Variants in LRP2 observed in about 807,000 individuals in gnomAD.
The protein encoded by LRP2 is LDL receptor related protein 2, also known as low-density lipoprotein receptor-related protein 2.
LRP2 carries 172 observed loss-of-function variants against 531.0 expected under a neutral mutation model. The ratio of observed to expected loss-of-function variants is 0.32; its 90% CI spans 0.29 to 0.37. The LOEUF is 0.37. LRP2 is among the 10% of genes least tolerant of loss of function. LRP2 has a pLI of 1.00. For missense variants in LRP2, 5,167 were observed against 5,868.3 expected, an observed-to-expected ratio of 0.88 and a Z score of 3.90; for synonymous variants, 1,992 against 2,027.6, an observed-to-expected ratio of 0.98 and a Z score of 0.47.
chr2:169,326,835 C>A (rs1395944821), intron 1 of LRP2, among the ~76,000 whole-genome samples: 173 of 150,748 alleles, frequency 1.1e-3, no homozygotes, highest in South Asian at 4.5e-3. Flanking sequence ...GGCCGCCCAT[C>A]GTCTGAGATG....
At chr2:169,323,626 A>T (rs1392543230) in intron 1 of LRP2, among the ~76,000 whole-genome samples, 2 of 147,732 alleles carry the variant, frequency 1.4e-5, no homozygotes, top group Non-Finnish European at 3.0e-5. Context: ...TTATTTGAAG[A>T]TTTAAAAAAA....
chr2:169,260,205 G>C (rs771672358), intron 16 of LRP2, among the ~76,000 whole-genome samples: 1 of 152,124 alleles, frequency 6.6e-6, no homozygotes, highest in African/African-American at 2.4e-5. Flanking sequence ...TGGTGAAAGA[G>C]GAGGAGGCAA....
chr2:169,328,201 G>A (rs866819397), intron 1 of LRP2, among the ~76,000 whole-genome samples: 7 of 75,730 alleles, frequency 9.2e-5, no homozygotes, highest in African/African-American at 2.0e-4. Flanking sequence ...GGGGGTCAGC[G>A]CCCCGCCCGG....
At chr2:169,263,117 T>C (rs1690639493) in intron 16 of LRP2, among the ~76,000 whole-genome samples, 1 of 152,114 alleles carries the variant, frequency 6.6e-6, no homozygotes, top group Admixed American at 6.6e-5. Flanking sequence ...AAGACTTAAA[T>C]ATTAGACCTA....
intron 15 of LRP2, among the ~76,000 whole-genome samples, chr2:169,272,590 G>C (rs1268252390): frequency 6.6e-6 from 1 of 152,068 alleles, no homozygotes; most frequent in African/African-American, 2.4e-5. Context: ...GCATAGAAAA[G>C]AGCTCAAAGT....
At chr2:169,187,521 T>C (rs1341896184) in intron 49 of LRP2, among the ~76,000 whole-genome samples, 2 of 152,182 alleles carry the variant, frequency 1.3e-5, no homozygotes, top group Non-Finnish European at 2.9e-5. Context: ...ATGCTGTGGA[T>C]TCTCAACTGC....
intron 1 of LRP2, among the ~76,000 whole-genome samples, chr2:169,352,875 G>A (rs1261552968): frequency 2.6e-5 from 4 of 151,812 alleles, no homozygotes; most frequent in Non-Finnish European, 5.9e-5. Flanking sequence ...CCTGTCAGGG[G>A]GTGGGGGCCA....
At chr2:169,310,232 T>C (rs1258490846) in intron 3 of LRP2, among the ~76,000 whole-genome samples, 1 of 152,202 alleles carries the variant, frequency 6.6e-6, no homozygotes, top group Non-Finnish European at 1.5e-5. Context: ...TCCTGCCTGA[T>C]TGCCCTGGCC....
Position 169,172,079 on chromosome 2 carries a change from G to A in LRP2, c.11199C>T (p.Ile3733=). ...GCCCATCACACTGCCAACGAAGAGG[G>A]ATGCAGTGGTGATTTTTACAGCGGA... ...GDFRCKNHHC[I]PLRWQCDGQN... Residue 3733 remains isoleucine, a synonymous_variant, in exon 58 of 79, where the codon ATC becomes ATT. Coordinates refer to ENST00000649046, the MANE Select transcript of LRP2 (RefSeq NM_004525.3). The A allele has an allele frequency of 6.2e-7, 1 of 1,614,182 alleles. No homozygotes were observed. Among genetic ancestry groups the A allele is most frequent in the Admixed American group, 1.7e-5 (1 of 60,028 alleles).
intron 19 of LRP2, among the ~76,000 whole-genome samples, chr2:169,255,716 T>A (rs1690277900): frequency 1.3e-5 from 2 of 152,190 alleles, no homozygotes; most frequent in Non-Finnish European, 2.9e-5. Context: ...CACTGGAGAA[T>A]AATGAAATGC....
In LRP2 at chr2:169,307,337, T is replaced by A; in HGVS notation, c.371A>T (p.Glu124Val). Residue 124 changes from glutamate (E) to valine (V), a missense_variant, in exon 4 of 79, where the codon GAA becomes GTA. Physicochemically the swap from Glu to Val is moderately radical, Grantham distance 121 (BLOSUM62 -2). Transcript: ENST00000649046. ...GTCTCTGACGTGGTCGCACCTGTAT[T>A]CACTTGGGATACACTGACCATTGGA... is the stretch of plus-strand genomic sequence containing the variant. ...TCSNGQCIPSEYRCDHVRDCP... is the reference protein window; with the variant it reads ...TCSNGQCIPSVYRCDHVRDCP... 6.2e-7 allele frequency: 1 copy of A among 1,614,028 alleles called. No homozygotes were observed. The highest frequency in any genetic ancestry group is 8.5e-7 in the Non-Finnish European group (1 of 1,179,868).
chr2:169,235,117 A>G (rs2105374056), intron 29 of LRP2, among the ~76,000 whole-genome samples: 1 of 151,930 alleles, frequency 6.6e-6, no homozygotes, highest in South Asian at 2.1e-4. Context: ...TTGCCATGTT[A>G]CCCAGGCTGG....
chr2:169,231,224 G>A (rs140367719), intron 31 of LRP2, among the ~76,000 whole-genome samples: 5 of 151,490 alleles, frequency 3.3e-5, no homozygotes, highest in Non-Finnish European at 5.9e-5. Flanking sequence ...GGCCCGGAAA[G>A]TGGAGGCTAC....
At chr2:169,234,691 A>T (rs1689538183) in intron 29 of LRP2, among the ~76,000 whole-genome samples, 1 of 152,150 alleles carries the variant, frequency 6.6e-6, no homozygotes, top group Admixed American at 6.5e-5. Flanking sequence ...ATCCCTGAGG[A>T]ATTGCCACAC....
At chr2:169,339,418 C>T (rs1685503775) in intron 1 of LRP2, among the ~76,000 whole-genome samples, 1 of 152,152 alleles carries the variant, frequency 6.6e-6, no homozygotes, top group Non-Finnish European at 1.5e-5. Flanking sequence ...TTTATAGGCA[C>T]ACATCTATTC....
chr2:169,286,637 A>G (rs1392476291), intron 9 of LRP2, among the ~76,000 whole-genome samples: 1 of 152,222 alleles, frequency 6.6e-6, no homozygotes, highest in African/African-American at 2.4e-5. Context: ...CTCACCACAG[A>G]CTTATATGTT....
intron 70 of LRP2, among the ~76,000 whole-genome samples, chr2:169,143,759 G>A (rs1201206655): frequency 1.3e-5 from 2 of 152,196 alleles, no homozygotes; most frequent in Non-Finnish European, 2.9e-5. Context: ...CCCTAGGTAA[G>A]TCTAGAGCCT....
rs1280296380 is a variant in LRP2, at chr2:169,237,143, G to A, written c.4651C>T (p.Leu1551=). 3 of 1,613,924 alleles carry A rather than the reference G, an allele frequency of 1.9e-6. No homozygotes were observed. The highest frequency in any genetic ancestry group is 3.3e-5 in the Admixed American group (2 of 60,018). The change falls in exon 28 of 79, where the codon CTA becomes TTA. Residue 1551 remains leucine (L), a synonymous_variant. Transcript: ENST00000649046. ...SHRTVLISKN[L]TNPRGLALDP... Reference sequence around the variant, plus strand: ...AATGCTAGTCCTCTTGGATTTGTTAGGTTTTTACTAATCAGCACAGTCCTG... The same window carrying A: ...AATGCTAGTCCTCTTGGATTTGTTAAGTTTTTACTAATCAGCACAGTCCTG...
In LRP2 at chr2:169,196,996, G is replaced by A. The variant is rs772158739; in HGVS notation, c.8613C>T (p.Cys2871=). Residue 2871 remains cysteine (C), a synonymous_variant, in exon 46 of 79, where the codon TGC becomes TGT. Transcript: ENST00000649046. The stretch of plus-strand genomic sequence containing the variant: ...GTTGAGGAATACAGCGCCCAGATGC[G>A]CATTGGAACTCACTGCTGCTGCACG... ...THTCSSSEFQ[C]ASGRCIPQHW... 1.2e-5 allele frequency: 20 copies of A among 1,613,910 alleles called. No individual in the cohort carries two copies. The East Asian group carries it at 2.2e-4, about 18-fold the overall frequency.
Sources: allele counts gnomAD v4.1 joint callset (sites outside exome capture counted in the v4.1 genomes callset), GRCh38; gene constraint gnomAD v4.1.1; transcripts MANE v1.5; gene names NCBI Gene and HGNC (gene_info 2026-07-23, HGNC 2026-07-21).